Variants in PADI4 observed in about 807,000 individuals in gnomAD.
PADI4 encodes protein-arginine deiminase type-4.
PADI4 carries 62 observed loss-of-function variants against 75.0 expected under a neutral mutation model. The ratio of observed to expected loss-of-function variants is 0.83; its 90% CI spans 0.67 to 1.02. PADI4 has a LOEUF of 1.02. PADI4 is among the 50% of genes least tolerant of loss of function. PADI4 has a pLI of 0.00. For synonymous variants in PADI4, 361 were observed against 348.1 expected (o/e 1.04, Z -0.41); for missense variants, 845 against 850.5 (o/e 0.99, Z 0.08).
intron 8 of PADI4, among the ~76,000 whole-genome samples, chr1:17,345,749 A>G (rs1048400302): frequency 6.6e-6 from 1 of 152,174 alleles, no homozygotes; most frequent in Non-Finnish European, 1.5e-5. Context: ...TGTAAGTCCA[A>G]TTAAACCTCT....
At position 17,356,428 on chromosome 1, in the gene PADI4, C is replaced by A. The variant is rs2301887; in HGVS notation, c.1527C>A (p.His509Gln). ...TCCAGGAGCAGCAGAATGAGGGCCA[C>A]GGGGAGGCCCTGCTGTTCGAAGGGA... ...KLFQEQQNEGHGEALLFEGIK... is the reference protein window; with the variant it reads ...KLFQEQQNEGQGEALLFEGIK... The change falls in exon 13 of 16, where the codon CAC becomes CAA. Residue 509 changes from histidine (H) to glutamine (Q), a missense_variant. His to Gln is a conservative substitution (Grantham distance 24). Transcript: ENST00000375448. This position sits in a 1 kb window ranked among gnomAD's most constrained non-coding sequence, Gnocchi z 4.1. 6 of 1,612,324 alleles carry A rather than the reference C, an allele frequency of 3.7e-6. No individual in the cohort carries two copies. The African/African-American group carries it at 8.0e-5, about 22-fold the overall frequency.
chr1:17,349,645 C>T (rs2074583985), intron 10 of PADI4, among the ~76,000 whole-genome samples: 1 of 148,518 alleles, frequency 6.7e-6, no homozygotes, highest in African/African-American at 2.5e-5. Context: ...GCAGAGGTTG[C>T]AGTGAGCCGA....
chr1:17,345,544 A>G (rs531817070), intron 8 of PADI4, among the ~76,000 whole-genome samples: 9 of 152,308 alleles, frequency 5.9e-5, no homozygotes, highest in African/African-American at 2.2e-4. Flanking sequence ...GTGTTGTGGG[A>G]GGGACCCAGT....
At position 17,363,715 on chromosome 1, in the gene PADI4, G is replaced by A. The variant is rs368700849; in HGVS notation, c.1952G>A (p.Arg651Lys). The change falls in exon 16 of 16, where the codon AGA becomes AAA. Residue 651 changes from arginine (R) to lysine (K), a missense_variant. Transcript: ENST00000375448. ...GTGCACTGCGGCACCAACGTGCGCA[G>A]AAAGCCCTTCTCCTTCAAGTGGTGG... ...GEVHCGTNVR[R>K]KPFSFKWWNM... 8.1e-6 allele frequency: 13 copies of A among 1,614,062 alleles called. No homozygotes were observed. In the African/African-American group the frequency reaches 1.5e-4, roughly 18 times the overall value.
At chr1:17,323,004 T>C (rs1181266664) in intron 1 of PADI4, among the ~76,000 whole-genome samples, 7 of 152,228 alleles carry the variant, frequency 4.6e-5, no homozygotes, top group African/African-American at 1.7e-4. Context: ...GGTTCTCTAC[T>C]TCAAGGTTTC....
chr1:17,331,257 C>T (rs991376202), intron 2 of PADI4, 108 bp downstream of exon 2: 10 of 929,154 alleles, frequency 1.1e-5, no homozygotes, highest in Non-Finnish European at 1.5e-5. Context: ...AGCCTCTTGC[C>T]CTGTGGAAGA....
intron 1 of PADI4, among the ~76,000 whole-genome samples, chr1:17,309,219 G>GT (rs1329219358): frequency 1.4e-5 from 2 of 147,702 alleles, no homozygotes; most frequent in African/African-American, 2.5e-5. Flanking sequence ...TTAACTGCCT[G>GT]TTTTTTTGTG....
intron 1 of PADI4, among the ~76,000 whole-genome samples, chr1:17,327,573 G>A (rs544082525): frequency 1.3e-5 from 2 of 148,632 alleles, no homozygotes; most frequent in African/African-American, 5.0e-5. Flanking sequence ...ATGGAGTCTC[G>A]CTTTGTCACC....
At position 17,351,961 on chromosome 1, in the gene PADI4, A is replaced by T. The variant is rs12754248; in HGVS notation, c.1156-2572A>T. ...GGGAGGTGATGGGAGGTGGGAGGAG[A>T]GGCGGCCAGGGAGGTGATGGGAGGA... On this transcript the variant is annotated intron_variant, in intron 10 of 15. Transcript: ENST00000375448. 4.6e-3 allele frequency among the ~76,000 whole-genome samples: 392 copies of T among 86,058 alleles called. 5 individuals are homozygous for T. Among genetic ancestry groups the T allele is most frequent in the Non-Finnish European group, 5.9e-3 (254 of 43,260 alleles). The allele number at this position is 86,058 out of a possible 152,430, so 56.5% of individuals were successfully genotyped here.
intron 4 of PADI4, among the ~76,000 whole-genome samples, chr1:17,336,965 G>A (rs1405417485): frequency 6.6e-6 from 1 of 152,218 alleles, no homozygotes; most frequent in East Asian, 1.9e-4. Context: ...ACAGGGTGGG[G>A]CTGCTTAATG....
At chr1:17,335,538 C>G (rs1156925806) in intron 3 of PADI4, among the ~76,000 whole-genome samples, 2 of 152,212 alleles carry the variant, frequency 1.3e-5, no homozygotes, top group African/African-American at 2.4e-5. Flanking sequence ...GTCACCATAT[C>G]ATGCTGTGGG....
intron 1 of PADI4, among the ~76,000 whole-genome samples, chr1:17,318,969 G>A (rs536416707): frequency 1.5e-4 from 23 of 152,070 alleles, no homozygotes; most frequent in African/African-American, 4.1e-4. Flanking sequence ...ATTACAGGCG[G>A]GAGCCACTGC....
chr1:17,353,507 G>C (rs1348918515), intron 10 of PADI4, among the ~76,000 whole-genome samples: 1 of 152,120 alleles, frequency 6.6e-6, no homozygotes. Context: ...TCTACTCTCA[G>C]GGAGTTCATG....
At chr1:17,334,158 G>A (rs1570030988) in intron 3 of PADI4, 149 bp downstream of exon 3, 3 of 629,782 alleles carry the variant, frequency 4.8e-6, no homozygotes, top group Non-Finnish European at 8.7e-6. Context: ...CAGACATCTG[G>A]GAGTTCGAAA....
At chr1:17,351,361 C>T (rs2074616486) in intron 10 of PADI4, among the ~76,000 whole-genome samples, 1 of 149,184 alleles carries the variant, frequency 6.7e-6, no homozygotes, top group South Asian at 2.1e-4. Context: ...GAGGCCAAGG[C>T]TGGTGGATTA....
chr1:17,340,044 A>ATG (rs1426412038), intron 6 of PADI4, among the ~76,000 whole-genome samples: 6 of 87,618 alleles, frequency 6.8e-5, no homozygotes, highest in Non-Finnish European at 1.3e-4. Flanking sequence ...TCTCTCACAC[A>ATG]CGCGCGCGCA....
intron 7 of PADI4, 47 bp from the exon 8 acceptor site, chr1:17,342,252 C>T (rs950117746): frequency 1.4e-6 from 2 of 1,435,030 alleles, no homozygotes; most frequent in Admixed American, 1.7e-5. Context: ...GTGCTGGGCC[C>T]TGGCAGCGGT....
At position 17,356,425 on chromosome 1, in the gene PADI4, C is replaced by A; in HGVS notation, c.1524C>A (p.Gly508=). 6.2e-7 allele frequency: 1 copy of A among 1,612,916 alleles called. No individual in the cohort carries two copies. The change falls in exon 13 of 16, where the codon GGC becomes GGA. Residue 508 remains glycine, a synonymous_variant. Transcript: ENST00000375448. The surrounding 1 kb of genome is among the most constrained non-coding windows in gnomAD (Gnocchi z 4.1). ...TGTTCCAGGAGCAGCAGAATGAGGG[C>A]CACGGGGAGGCCCTGCTGTTCGAAG... The part of the protein sequence containing the change: ...YKLFQEQQNE[G]HGEALLFEGI...
intron 1 of PADI4, among the ~76,000 whole-genome samples, chr1:17,312,856 C>CTTTTTTT (rs71014932): frequency 7.5e-6 from 1 of 134,058 alleles, no homozygotes. Flanking sequence ...AGATATGTAG[C>CTTTTTTT]TTTTTTTTTT....
Sources: allele counts gnomAD v4.1 joint callset (sites outside exome capture counted in the v4.1 genomes callset), GRCh38; gene constraint gnomAD v4.1.1; non-coding constraint Gnocchi (gnomAD v3.1); transcripts MANE v1.5; gene names NCBI Gene and HGNC (gene_info 2026-07-23, HGNC 2026-07-21).